The following KLHL29 variants were observed in gnomAD, a reference collection of about 807,000 sequenced individuals.
The protein encoded by KLHL29 is kelch like family member 29.
A neutral mutation model predicts 80.4 loss-of-function variants in KLHL29; 21 were observed. The ratio of observed to expected loss-of-function variants is 0.26; its 90% CI spans 0.19 to 0.38. The LOEUF is 0.38. Among genes scored for constraint, KLHL29 ranks in the 10% least tolerant of loss-of-function variants. The pLI is 1.00. For synonymous variants in KLHL29, 511 were observed against 526.8 expected, an observed-to-expected ratio of 0.97 and a Z score of 0.41; for missense variants, 867 against 1,223.9, an observed-to-expected ratio of 0.71 and a Z score of 4.35.
rs1349928253 is a variant in KLHL29 at position 23,559,896 on chromosome 2, AAGGAGACTGAGAAGGAGCAGCCG to A, written c.-45-2253_-45-2231del. Among the ~76,000 whole-genome samples the A allele has an allele frequency of 2.6e-5, 4 of 152,280 alleles. No individual in the cohort carries two copies. In the East Asian group the frequency reaches 7.7e-4, roughly 29 times the overall value. The stretch of plus-strand genomic sequence containing the variant: ...ATGAGCTGAGGAAGAGGAGCCCGCC[AAGGAGACTGAGAAGGAGCAGCCG>A]AGAGGGAGGCGGAGGGCTGGGAGAG... On this transcript the variant is annotated intron_variant, in intron 2 of 13. Coordinates refer to ENST00000486442, the MANE Select transcript of KLHL29 (RefSeq NM_052920.2).
chr2:23,499,121 G>A (rs1436300298), intron 2 of KLHL29, among the ~76,000 whole-genome samples: 3 of 152,198 alleles, frequency 2.0e-5, no homozygotes, highest in Non-Finnish European at 4.4e-5. Flanking sequence ...GCAGCTGCCT[G>A]AGGAAATGGT....
Position 23,681,090 on chromosome 2 carries a change from G to T in KLHL29, c.941-3309G>T, listed in dbSNP as rs141036535. ...CAGCGGGTCCTGGTGTCCCCTTGTG[G>T]ATTCTGGGTCTCCCCACCGACAGGC... On this transcript the variant is annotated intron_variant, in intron 5 of 13. Transcript: ENST00000486442. This position sits in a 1 kb window ranked among gnomAD's most constrained non-coding sequence, Gnocchi z 4.2. Among the ~76,000 whole-genome samples, 1,726 of 152,314 alleles carry T rather than the reference G, an allele frequency of 0.011. 19 individuals are homozygous for T. Among genetic ancestry groups the T allele is most frequent in the Middle Eastern group, 0.031 (9 of 294 alleles).
rs11683469 is a variant in KLHL29 at position 23,415,069 on chromosome 2, C to T, written c.-154+29289C>T. Among the ~76,000 whole-genome samples the T allele has an allele frequency of 8.8e-3, 1,342 of 152,372 alleles. 16 individuals are homozygous for T. Among genetic ancestry groups the T allele is most frequent in the Non-Finnish European group, 0.015 (1,027 of 68,034 alleles). On this transcript the variant is annotated intron_variant, in intron 1 of 13. Transcript: ENST00000486442. The stretch of plus-strand genomic sequence containing the variant: ...CCCACAGCTGCCCTGCTGGTCAGAC[C>T]TCCAGTTGGTCCAGAACAGCACCAC...
chr2:23,387,873 G>A (rs1426405476), intron 1 of KLHL29, among the ~76,000 whole-genome samples: 1 of 151,972 alleles, frequency 6.6e-6, no homozygotes, highest in Non-Finnish European at 1.5e-5. Flanking sequence ...TTGGTTTATG[G>A]GCTGATGCAT....
chr2:23,594,199 G>A (rs769051495), intron 3 of KLHL29, among the ~76,000 whole-genome samples: 5 of 152,112 alleles, frequency 3.3e-5, no homozygotes, highest in Admixed American at 6.5e-5. Context: ...TTACCAGACC[G>A]GCCTTATTTG....
chr2:23,423,706 G>A (rs1173724365), intron 1 of KLHL29, among the ~76,000 whole-genome samples: 1 of 152,208 alleles, frequency 6.6e-6, no homozygotes, highest in African/African-American at 2.4e-5. Flanking sequence ...AGGGGGTGCG[G>A]TGTGGGATCT....
At chr2:23,479,224 A>G (rs1664720343) in intron 2 of KLHL29, among the ~76,000 whole-genome samples, 1 of 151,502 alleles carries the variant, frequency 6.6e-6, no homozygotes, top group Admixed American at 6.6e-5. Context: ...ACACCCCTGA[A>G]AAGGCCGTGT....
intron 2 of KLHL29, among the ~76,000 whole-genome samples, chr2:23,536,411 A>G (rs1242518778): frequency 6.6e-6 from 1 of 152,192 alleles, no homozygotes; most frequent in Non-Finnish European, 1.5e-5. Context: ...ATTCAGAATG[A>G]TACCCGGGTA....
At chr2:23,442,140 G>A (rs1241077889) in intron 1 of KLHL29, among the ~76,000 whole-genome samples, 4 of 152,126 alleles carry the variant, frequency 2.6e-5, no homozygotes, top group African/African-American at 4.8e-5. Flanking sequence ...CTAGAATGCA[G>A]TGACACAAAA....
At chr2:23,589,655 A>C (rs529990744) in intron 3 of KLHL29, among the ~76,000 whole-genome samples, 9 of 152,324 alleles carry the variant, frequency 5.9e-5, no homozygotes, top group African/African-American at 1.9e-4. Flanking sequence ...CAGAAAGCCC[A>C]TTTGGGACCT....
At chr2:23,509,349 C>T (rs1178176777) in intron 2 of KLHL29, among the ~76,000 whole-genome samples, 1 of 152,178 alleles carries the variant, frequency 6.6e-6, no homozygotes, top group Non-Finnish European at 1.5e-5. Context: ...TGTCCAGGAT[C>T]TTCATTGGAC....
In KLHL29 at chr2:23,570,137, G is replaced by A. The variant is rs527544282; in HGVS notation, c.285+7656G>A. On this transcript the variant is annotated intron_variant, in intron 3 of 13. Coordinates refer to ENST00000486442, the MANE Select transcript of KLHL29 (RefSeq NM_052920.2). Reference sequence around the variant, plus strand: ...AGGCAAGAAACCTCATTTTCCTCTGGTAAATAAAGAGCCCTGAGAACTGAG... The same window carrying A: ...AGGCAAGAAACCTCATTTTCCTCTGATAAATAAAGAGCCCTGAGAACTGAG... 2.6e-5 allele frequency among the ~76,000 whole-genome samples: 4 copies of A among 152,314 alleles called. No homozygotes were observed. The South Asian group carries it at 8.3e-4, about 32-fold the overall frequency.
At chr2:23,557,735 G>A (rs932285706) in intron 2 of KLHL29, among the ~76,000 whole-genome samples, 4 of 152,084 alleles carry the variant, frequency 2.6e-5, no homozygotes, top group Non-Finnish European at 4.4e-5. Context: ...GTTGCTGGCC[G>A]CCCTCAGTGC....
intron 2 of KLHL29, among the ~76,000 whole-genome samples, chr2:23,558,006 C>G (rs976686825): frequency 6.6e-6 from 1 of 152,092 alleles, no homozygotes; most frequent in Non-Finnish European, 1.5e-5. Flanking sequence ...CATGTGGCCT[C>G]CAAGGTTGCC....
At position 23,703,711 on chromosome 2, in the gene KLHL29, C is replaced by A; in HGVS notation, c.2300-8C>A. 6.5e-7 allele frequency: 1 copy of A among 1,534,276 alleles called. No individual in the cohort carries two copies. The highest frequency in any genetic ancestry group is 8.7e-7 in the Non-Finnish European group (1 of 1,145,456). The stretch of plus-strand genomic sequence containing the variant: ...TGCCGTGACCTGCCTGCTCTGCTCT[C>A]CTCACAGACAACAAGTATGCCCCCG... On this transcript the variant is annotated splice_region_variant and splice_polypyrimidine_tract_variant and intron_variant, in intron 12 of 13. Transcript: ENST00000486442.
intron 1 of KLHL29, among the ~76,000 whole-genome samples, chr2:23,389,286 T>C (rs1247484423): frequency 6.6e-6 from 1 of 152,200 alleles, no homozygotes; most frequent in East Asian, 1.9e-4. Context: ...ACTTTCAACT[T>C]AGCTTTCTAA....
intron 11 of KLHL29, chr2:23,697,230 G>C (rs1266008269): frequency 1.3e-5 from 2 of 152,318 alleles, no homozygotes; most frequent in African/African-American, 4.8e-5. Flanking sequence ...GTGGGCTGAA[G>C]TGGGTGCTTC....
chr2:23,431,293 C>G (rs771202104), intron 1 of KLHL29, among the ~76,000 whole-genome samples: 1 of 152,230 alleles, frequency 6.6e-6, no homozygotes, highest in Non-Finnish European at 1.5e-5. Context: ...GTTCAGAGCT[C>G]AAGGCATAGA....
intron 1 of KLHL29, among the ~76,000 whole-genome samples, chr2:23,390,801 G>T (rs1434876687): frequency 6.6e-6 from 1 of 151,910 alleles, no homozygotes; most frequent in Non-Finnish European, 1.5e-5. Flanking sequence ...ACAGGCGCCT[G>T]CCACCACGCC....
Sources: allele counts gnomAD v4.1 joint callset (sites outside exome capture counted in the v4.1 genomes callset), GRCh38; gene constraint gnomAD v4.1.1; non-coding constraint Gnocchi (gnomAD v3.1); transcripts MANE v1.5; gene names NCBI Gene and HGNC (gene_info 2026-07-23, HGNC 2026-07-21).